Variants in XRN2 observed in about 807,000 individuals in gnomAD.
XRN2 encodes the protein DHM1-like protein.
XRN2 carries 44 observed loss-of-function variants against 138.5 expected under a neutral mutation model. That is an observed-to-expected ratio of 0.32 (90% CI 0.25 to 0.41). The LOEUF is 0.41. Ranked by LOEUF, XRN2 falls within the 10% of genes least tolerant of loss-of-function variation. XRN2 has a pLI of 1.00. For missense variants in XRN2, 937 were observed against 1,169.3 expected (o/e 0.80, Z 2.90); for synonymous variants, 354 against 369.4 (o/e 0.96, Z 0.48).
chr20:21,382,338 G>A lies in XRN2; in HGVS notation c.2648+281G>A, dbSNP rs138485530. On this transcript the variant is annotated intron_variant, in intron 28 of 29. Transcript: ENST00000377191. ...GCAACACAGCTTAAAACTGTATTAG[G>A]TTTTGGTCAGGCTAAACAAATTTCT... 3.9e-3 allele frequency among the ~76,000 whole-genome samples: 590 copies of A among 152,264 alleles called. 6 individuals carry two copies. The highest frequency in any genetic ancestry group is 0.014 in the African/African-American group (569 of 41,558).
intron 1 of XRN2, among the ~76,000 whole-genome samples, chr20:21,321,587 T>C (rs1471670525): frequency 2.6e-5 from 4 of 152,120 alleles, no homozygotes; most frequent in African/African-American, 9.7e-5. Context: ...CCCAAAATGC[T>C]GATTACAGGC....
At chr20:21,365,304 C>A in intron 24 of XRN2, 117 bp from the exon 25 acceptor site, 1 of 931,506 alleles carries the variant, frequency 1.1e-6, no homozygotes, top group Non-Finnish European at 1.6e-6. Flanking sequence ...TTTGTCAAAC[C>A]CATTTATTAA....
intron 1 of XRN2, 127 bp downstream of exon 1, chr20:21,303,600 G>A: frequency 7.2e-7 from 1 of 1,383,702 alleles, no homozygotes; most frequent in South Asian, 1.7e-5. Flanking sequence ...TGCCAGCCTC[G>A]CGAGCAGTCG....
intron 28 of XRN2, among the ~76,000 whole-genome samples, chr20:21,383,542 C>G (rs1335425846): frequency 6.6e-6 from 1 of 152,134 alleles, no homozygotes; most frequent in Non-Finnish European, 1.5e-5. Flanking sequence ...CTCTTTTGTG[C>G]CATTCTTTAC....
chr20:21,337,887 G>A (rs1019551268), intron 13 of XRN2, among the ~76,000 whole-genome samples: 1 of 152,148 alleles, frequency 6.6e-6, no homozygotes, highest in African/African-American at 2.4e-5. Flanking sequence ...GGTCAGATAA[G>A]GACTGAAATC....
chr20:21,344,883 G>A (rs1470679614), intron 16 of XRN2, among the ~76,000 whole-genome samples: 1 of 152,106 alleles, frequency 6.6e-6, no homozygotes, highest in Non-Finnish European at 1.5e-5. Context: ...AGTGCAAAAG[G>A]CCAACAATCT....
chr20:21,382,917 T>A (rs2038900971), intron 28 of XRN2, among the ~76,000 whole-genome samples: 1 of 152,242 alleles, frequency 6.6e-6, no homozygotes, highest in Non-Finnish European at 1.5e-5. Flanking sequence ...TAAGGCTTTC[T>A]TTTTTGCCTT....
intron 1 of XRN2, among the ~76,000 whole-genome samples, chr20:21,322,269 C>G (rs529119079): frequency 1.3e-5 from 2 of 152,170 alleles, no homozygotes; most frequent in Non-Finnish European, 2.9e-5. Context: ...AGATCTAACA[C>G]ACGTACAACT....
At chr20:21,309,262 A>G (rs2037845575) in intron 1 of XRN2, among the ~76,000 whole-genome samples, 1 of 152,224 alleles carries the variant, frequency 6.6e-6, no homozygotes, top group Non-Finnish European at 1.5e-5. Flanking sequence ...GATAGAATTT[A>G]CCAGTGAGGC....
chr20:21,314,340 A>G (rs979053173), intron 1 of XRN2, among the ~76,000 whole-genome samples: 5 of 152,232 alleles, frequency 3.3e-5, no homozygotes, highest in Non-Finnish European at 7.3e-5. Flanking sequence ...TTGTCTGTTG[A>G]TAAACATTTG....
intron 20 of XRN2, among the ~76,000 whole-genome samples, chr20:21,350,455 G>A (rs2122259323): frequency 6.9e-6 from 1 of 145,368 alleles, no homozygotes; most frequent in South Asian, 2.2e-4. Flanking sequence ...GAACCCGGGA[G>A]GCAGAGCTTG....
At chr20:21,339,236 A>G in intron 14 of XRN2, 148 bp downstream of exon 14, 2 of 737,906 alleles carry the variant, frequency 2.7e-6, no homozygotes, top group East Asian at 5.4e-5. Context: ...ACCTGTAGAA[A>G]GAACACTGGT....
At chr20:21,311,786 G>A (rs2037884154) in intron 1 of XRN2, among the ~76,000 whole-genome samples, 1 of 152,036 alleles carries the variant, frequency 6.6e-6, no homozygotes, top group Admixed American at 6.6e-5. Context: ...CCAGGAGTTC[G>A]AGAGCAGCCT....
chr20:21,343,788 A>G (rs1050432096), intron 15 of XRN2, among the ~76,000 whole-genome samples: 1 of 151,968 alleles, frequency 6.6e-6, no homozygotes, highest in Admixed American at 6.5e-5. Context: ...TTCAAGTACT[A>G]TAATTTTTAA....
chr20:21,310,655 T>G (rs1414662538), intron 1 of XRN2, among the ~76,000 whole-genome samples: 1 of 152,192 alleles, frequency 6.6e-6, no homozygotes, highest in Admixed American at 6.5e-5. Flanking sequence ...TCTATTCTTT[T>G]ATTTTAGCCT....
intron 1 of XRN2, among the ~76,000 whole-genome samples, chr20:21,305,231 ACT>A (rs2037799345): frequency 6.6e-6 from 1 of 152,104 alleles, no homozygotes; most frequent in African/African-American, 2.4e-5. Context: ...AGTGGGAGGT[ACT>A]GTTTTCTGGA....
At chr20:21,370,952 G>A (rs1225782626) in intron 27 of XRN2, among the ~76,000 whole-genome samples, 1 of 152,184 alleles carries the variant, frequency 6.6e-6, no homozygotes, top group Non-Finnish European at 1.5e-5. Context: ...AGGGCAGCAT[G>A]GGGGAGAAGA....
chr20:21,377,790 G>A (rs751693889), intron 27 of XRN2, among the ~76,000 whole-genome samples: 1 of 152,182 alleles, frequency 6.6e-6, no homozygotes, highest in African/African-American at 2.4e-5. Context: ...GGACGGGATT[G>A]TAGAGTGAAT....
At chr20:21,363,510 A>G (rs533589433) in intron 24 of XRN2, among the ~76,000 whole-genome samples, 178 of 152,312 alleles carry the variant, frequency 1.2e-3, no homozygotes, top group African/African-American at 4.1e-3. Context: ...GCCCTGCCCC[A>G]TGCCATCTTG....
Sources: gnomAD v4.1 joint callset for allele counts (sites outside exome capture counted in the v4.1 genomes callset) on GRCh38, gnomAD v4.1.1 for gene constraint, MANE v1.5 for transcripts, NCBI Gene and HGNC (gene_info 2026-07-23, HGNC 2026-07-21) for gene names.